NBEA: variants seen among roughly 807,000 people sequenced by gnomAD.
NBEA encodes the protein lysosomal-trafficking regulator 2.
In NBEA, 44 loss-of-function variants were observed where a neutral mutation model predicts 343.4. The observed-to-expected ratio is 0.13, with a 90% CI of 0.10 to 0.16. The LOEUF is 0.16. NBEA is among the 10% of genes least tolerant of loss of function. The pLI is 1.00. For missense variants in NBEA, 2,555 were observed against 3,631.3 expected, an observed-to-expected ratio of 0.70 and a Z score of 7.62; for synonymous variants, 1,175 against 1,238.7, an observed-to-expected ratio of 0.95 and a Z score of 1.08.
chr13:34,991,149 T>C (rs991529784), intron 1 of NBEA, among the ~76,000 whole-genome samples: 4 of 152,218 alleles, frequency 2.6e-5, no homozygotes, highest in Non-Finnish European at 5.9e-5. Context: ...CTTCCTGTCT[T>C]ATGAGCTCTC....
rs1218697484 is a variant in NBEA, at chr13:35,010,738, AAAAATATATATATAT to A, written c.295-30193_295-30179del. Among the ~76,000 whole-genome samples the A allele has an allele frequency of 1.2e-4, 4 of 32,068 alleles. 1 individual carries two copies. Among genetic ancestry groups the A allele is most frequent in the Non-Finnish European group, 1.3e-4 (2 of 15,316 alleles). 21.0% of individuals were successfully genotyped at this position (32,068 alleles called of 152,430 possible). ...GACTGGGTCTCTACAAAAAAAAAAA[AAAAATATATATATAT>A]ATATATATATATATATATATATATA... On this transcript the variant is annotated intron_variant, in intron 1 of 58. Transcript: ENST00000379939.
intron 28 of NBEA, among the ~76,000 whole-genome samples, chr13:35,178,607 T>C (rs916539411): frequency 6.6e-5 from 10 of 151,804 alleles, no homozygotes; most frequent in African/African-American, 1.9e-4. Flanking sequence ...TGAAAAAATA[T>C]ACCAGTATTC....
rs1593539334 is a variant in NBEA, at chr13:35,156,145, G to A, written c.2590G>A (p.Val864Ile). The change falls in exon 20 of 59, where the codon GTT becomes ATT. Residue 864 changes from valine (V) to isoleucine (I), a missense_variant. By Grantham distance (29) the Val-to-Ile change is conservative. Coordinates refer to ENST00000379939, the MANE Select transcript of NBEA (RefSeq NM_001385012.1). ...NSTPSAELME[V>I]RRLFLSDMIK... ...TACACCAAGTGCAGAGCTGATGGAA[G>A]TTCGTCGTTTATTTTTATCTGATAT... The A allele has an allele frequency of 1.9e-6, 3 of 1,591,360 alleles. No homozygotes were observed.
chr13:35,128,061 TATATAAGTAC>T (rs1287439029), intron 17 of NBEA, among the ~76,000 whole-genome samples: 1 of 120,588 alleles, frequency 8.3e-6, no homozygotes, highest in Non-Finnish European at 1.6e-5. Context: ...AAAGTTTTAT[TATATAAGTAC>T]AAAGAAAGCA....
At chr13:35,180,987 C>T (rs1235134771) in intron 28 of NBEA, among the ~76,000 whole-genome samples, 4 of 151,798 alleles carry the variant, frequency 2.6e-5, no homozygotes, top group African/African-American at 4.8e-5. Flanking sequence ...CAGGTTGCTG[C>T]GAATGCCATT....
intron 30 of NBEA, among the ~76,000 whole-genome samples, chr13:35,187,995 G>A (rs1255488177): frequency 6.6e-6 from 1 of 151,886 alleles, no homozygotes; most frequent in Non-Finnish European, 1.5e-5. Flanking sequence ...TCCTCCGAGA[G>A]GCCTTCCCTT....
chr13:35,183,479 C>G (rs1049505510), intron 29 of NBEA, among the ~76,000 whole-genome samples: 2 of 151,974 alleles, frequency 1.3e-5, no homozygotes, highest in Admixed American at 6.6e-5. Context: ...TTATTGATGT[C>G]ATGGAGATAT....
At chr13:35,291,140 C>A (rs887796923) in intron 35 of NBEA, among the ~76,000 whole-genome samples, 2 of 151,790 alleles carry the variant, frequency 1.3e-5, no homozygotes, top group Non-Finnish European at 1.5e-5. Flanking sequence ...TCCTGATTAT[C>A]CTGATTATCA....
rs552041409 is a variant in NBEA, at chr13:34,969,278, A to G, written c.294+26164A>G. ...GAAATTCGACACTTACTGCTGTGTA[A>G]TAAGTTAAAGCATGAACATTTAAAA... On this transcript the variant is annotated intron_variant, in intron 1 of 58. Transcript: ENST00000379939. Among the ~76,000 whole-genome samples, 5 of 152,106 alleles carry G rather than the reference A, an allele frequency of 3.3e-5. No individual in the cohort carries two copies. The South Asian group carries it at 8.3e-4, about 25-fold the overall frequency.
At chr13:35,010,742 ATATATAT>A (rs1271539625) in intron 1 of NBEA, among the ~76,000 whole-genome samples, 1,274 of 83,570 alleles carry the variant, frequency 0.015, 126 homozygotes, top group African/African-American at 0.036. Context: ...AAAAAAAAAA[ATATATAT>A]ATATATATAT....
At chr13:35,003,037 A>G (rs1370331356) in intron 1 of NBEA, among the ~76,000 whole-genome samples, 1 of 152,204 alleles carries the variant, frequency 6.6e-6, no homozygotes, top group African/African-American at 2.4e-5. Context: ...CTCCAGCCAC[A>G]GTACAATGAA....
At chr13:35,336,433 A>G (rs757262818) in intron 36 of NBEA, among the ~76,000 whole-genome samples, 3 of 152,108 alleles carry the variant, frequency 2.0e-5, no homozygotes, top group Non-Finnish European at 4.4e-5. Context: ...TGGGGGTGCA[A>G]ATTATTTCAG....
chr13:35,229,222 G>A (rs192467562), intron 33 of NBEA, among the ~76,000 whole-genome samples: 186 of 152,070 alleles, frequency 1.2e-3, no homozygotes, highest in Admixed American at 0.011. Context: ...GGTAGAGACA[G>A]GGTCTCACCA....
chr13:35,649,598 C>A, intron 51 of NBEA, 57 bp from the exon 52 acceptor site: 1 of 1,433,790 alleles, frequency 7.0e-7, no homozygotes, highest in South Asian at 1.2e-5. Flanking sequence ...CTAGACCTTT[C>A]ACTAACTATG....
chr13:34,943,150 G>C (rs1364289058), intron 1 of NBEA, 36 bp downstream of exon 1: 5 of 1,608,080 alleles, frequency 3.1e-6, no homozygotes, highest in African/African-American at 2.7e-5. Flanking sequence ...TGCTTCCCCA[G>C]TCCCCACATA....
intron 10 of NBEA, among the ~76,000 whole-genome samples, chr13:35,075,531 G>A (rs897741218): frequency 6.6e-6 from 1 of 151,972 alleles, no homozygotes. Flanking sequence ...TTGCTAGAAG[G>A]ATGGAATGTA....
At chr13:35,544,252 G>A (rs1233184443) in intron 41 of NBEA, among the ~76,000 whole-genome samples, 1 of 151,918 alleles carries the variant, frequency 6.6e-6, no homozygotes, top group Non-Finnish European at 1.5e-5. Context: ...TTCGTAACAG[G>A]AAATTCAACT....
intron 34 of NBEA, among the ~76,000 whole-genome samples, chr13:35,249,239 G>C (rs1028596706): frequency 6.7e-6 from 1 of 149,908 alleles, no homozygotes; most frequent in Non-Finnish European, 1.5e-5. Flanking sequence ...CAGAAATATA[G>C]GCAACAAGTA....
chr13:35,213,408 G>GA (rs1049093881), intron 33 of NBEA, among the ~76,000 whole-genome samples: 1 of 150,864 alleles, frequency 6.6e-6, no homozygotes, highest in Non-Finnish European at 1.5e-5. Context: ...TTTTCCTCAA[G>GA]AAAGTCTGAG....
Sources: allele counts gnomAD v4.1 joint callset (sites outside exome capture counted in the v4.1 genomes callset), GRCh38; gene constraint gnomAD v4.1.1; transcripts MANE v1.5; gene names NCBI Gene and HGNC (gene_info 2026-07-23, HGNC 2026-07-21).